The following SERPINA6 variants were observed in gnomAD, a reference collection of about 807,000 sequenced individuals.
SERPINA6 encodes the protein serpin family A member 6.
A neutral mutation model predicts 26.4 loss-of-function variants in SERPINA6; 19 were observed. That is an observed-to-expected ratio of 0.72 (90% CI 0.50 to 1.06). SERPINA6 has a LOEUF of 1.06. Among genes scored for constraint, SERPINA6 ranks in the 50% least tolerant of loss-of-function variants. The pLI is 0.00. For missense variants in SERPINA6, 473 were observed against 504.0 expected (o/e 0.94, Z 0.59); for synonymous variants, 196 against 199.4 (o/e 0.98, Z 0.14).
chr14:94,314,272 G>A lies in SERPINA6; in HGVS notation c.377C>T (p.Thr126Ile). 1 of 1,614,186 alleles carries A rather than the reference G, an allele frequency of 6.2e-7. No individual in the cohort carries two copies. Among genetic ancestry groups the A allele is most frequent in the Non-Finnish European group, 8.5e-7 (1 of 1,180,040 alleles). The change falls in exon 2 of 5, where the codon ACC becomes ATC. Residue 126 changes from threonine (T) to isoleucine (I), a missense_variant. Physicochemically the swap from Thr to Ile is moderately conservative, Grantham distance 89. Coordinates refer to ENST00000341584, the MANE Select transcript of SERPINA6 (RefSeq NM_001756.4). ...ATCAAGAAACAAGGCATTGCCCATG[G>A]TCATTTCTAAGCTGGTGTCTGACTT... ...FAKSDTSLEMTMGNALFLDGS... is the reference protein window; with the variant it reads ...FAKSDTSLEMIMGNALFLDGS...
intron 1 of SERPINA6, among the ~76,000 whole-genome samples, chr14:94,320,224 T>A (rs1284645997): frequency 6.6e-6 from 1 of 152,164 alleles, no homozygotes; most frequent in East Asian, 1.9e-4. Context: ...AAACCAGTGC[T>A]CCAGGAGGTT....
chr14:94,318,720 TG>T (rs1201061211), intron 1 of SERPINA6, among the ~76,000 whole-genome samples: 3 of 151,922 alleles, frequency 2.0e-5, no homozygotes, highest in Non-Finnish European at 2.9e-5. Context: ...GAAAAAAACA[TG>T]GGGGAAAAAC....
At chr14:94,317,880 T>C (rs753955305) in intron 1 of SERPINA6, among the ~76,000 whole-genome samples, 39 of 152,168 alleles carry the variant, frequency 2.6e-4, no homozygotes, top group Non-Finnish European at 4.3e-4. Context: ...AGAAAAGGTA[T>C]CCATATTTGA....
At chr14:94,318,086 C>A (rs1018264527) in intron 1 of SERPINA6, among the ~76,000 whole-genome samples, 1 of 151,880 alleles carries the variant, frequency 6.6e-6, no homozygotes, top group African/African-American at 2.4e-5. Context: ...ATTCCATTTA[C>A]AATAGTATGA....
intron 1 of SERPINA6, among the ~76,000 whole-genome samples, chr14:94,320,128 C>T (rs1349660704): frequency 6.6e-6 from 1 of 152,128 alleles, no homozygotes; most frequent in African/African-American, 2.4e-5. Flanking sequence ...ACAATAAATA[C>T]AGGATGCTTA....
intron 1 of SERPINA6, among the ~76,000 whole-genome samples, chr14:94,318,687 G>A (rs112301686): frequency 2.0e-5 from 3 of 152,070 alleles, no homozygotes; most frequent in African/African-American, 7.2e-5. Flanking sequence ...ACCTAAAGAT[G>A]AGTTAAAATT....
At position 94,306,208 on chromosome 14, in the gene SERPINA6, G is replaced by A. The variant is rs751466880; in HGVS notation, c.895C>T (p.Leu299=). ...GAGATGGTGACCTTTGGAATGTACA[G>A]GTCCACCTGGCTGCTCGGGGTAAGC... ...SAGLTSSQVD[L]YIPKVTISGV... Residue 299 remains leucine (L), a synonymous_variant, in exon 4 of 5, where the codon CTG becomes TTG. Coordinates refer to ENST00000341584, the MANE Select transcript of SERPINA6 (RefSeq NM_001756.4). The A allele has an allele frequency of 2.5e-6, 4 of 1,614,162 alleles. No homozygotes were observed. The Admixed American group carries it at 6.7e-5, about 27-fold the overall frequency.
intron 1 of SERPINA6, among the ~76,000 whole-genome samples, chr14:94,321,602 G>C (rs2139729281): frequency 6.6e-6 from 1 of 152,282 alleles, no homozygotes. Context: ...TGTTTGCTGA[G>C]CCCAGCTCTG....
chr14:94,304,423 C>T lies in SERPINA6; in HGVS notation c.1213G>A (p.Val405Met), dbSNP rs774695483. 6.2e-6 allele frequency: 10 copies of T among 1,614,134 alleles called. No homozygotes were observed. In the South Asian group the frequency reaches 6.6e-5, roughly 11 times the overall value. Residue 405 changes from valine to methionine, a missense_variant, in exon 5 of 5, where the codon GTG becomes ATG. Transcript: ENST00000341584. ...SLFLARVMNPV is the reference protein window; with the variant it reads ...SLFLARVMNPM ...GGCTCTGGGTGGGTGGTCTCTTACA[C>T]TGGGTTCATAACCCTCGCCAGGAAA... is the stretch of plus-strand genomic sequence containing the variant.
Position 94,309,755 on chromosome 14 carries a change from A to G in SERPINA6, c.865T>C (p.Ser289Pro), listed in dbSNP as rs200126085. Reference protein sequence around the residue: ...ALSRDTINRWSAGLTSSQVDL... With the variant: ...ALSRDTINRWPAGLTSSQVDL... ...ACTTACCTGCTGGTCAGGCCTGCGG[A>G]CCACCTGTTAATCGTGTCCCGGCTC... The change falls in exon 3 of 5, where the codon TCC (serine) becomes CCC (proline). Residue 289 changes from serine (S) to proline (P), a missense_variant. Ser to Pro is a moderately conservative substitution (Grantham distance 74, BLOSUM62 -1). Coordinates refer to ENST00000341584, the MANE Select transcript of SERPINA6 (RefSeq NM_001756.4). 6.2e-7 allele frequency: 1 copy of G among 1,614,068 alleles called. No homozygotes were observed. The highest frequency in any genetic ancestry group is 8.5e-7 in the Non-Finnish European group (1 of 1,180,026).
In SERPINA6 at chr14:94,304,384, T is replaced by G; in HGVS notation, c.*34A>C. The G allele has an allele frequency of 3.1e-6, 5 of 1,606,488 alleles. No individual in the cohort carries two copies. Among genetic ancestry groups the G allele is most frequent in the Non-Finnish European group, 4.3e-6 (5 of 1,173,120 alleles). On this transcript the variant is annotated 3_prime_UTR_variant, in exon 5 of 5. Coordinates refer to ENST00000341584, the MANE Select transcript of SERPINA6 (RefSeq NM_001756.4). The stretch of plus-strand genomic sequence containing the variant: ...TCTGTGGGATCCCTGGTTCCCAAAG[T>G]CAGACAGTGCTGAGGCTCTGGGTGG...
chr14:94,311,565 A>C (rs1283063329), intron 2 of SERPINA6, among the ~76,000 whole-genome samples: 1 of 152,154 alleles, frequency 6.6e-6, no homozygotes, highest in East Asian at 1.9e-4. Flanking sequence ...GATCTGAGAG[A>C]GCAAGGATGG....
At chr14:94,322,939 CT>C (rs1267454199) in intron 1 of SERPINA6, among the ~76,000 whole-genome samples, 1 of 136,606 alleles carries the variant, frequency 7.3e-6, no homozygotes, top group East Asian at 2.3e-4. Context: ...GACTCTGTGG[CT>C]GTTGTGGCTG....
intron 3 of SERPINA6, among the ~76,000 whole-genome samples, chr14:94,306,905 C>T (rs3790035): frequency 0.3 from 46,067 of 152,052 alleles, 8,180 homozygotes; most frequent in East Asian, 0.89. Flanking sequence ...TGCCTTCTCC[C>T]CAGAGGGAGA....
chr14:94,319,292 ATT>A (rs76983957), intron 1 of SERPINA6, among the ~76,000 whole-genome samples: 2 of 151,978 alleles, frequency 1.3e-5, no homozygotes, highest in East Asian at 3.9e-4. Context: ...CTTTAAAAAA[ATT>A]TTTTTTTTAA....
Position 94,304,287 on chromosome 14 carries a change from T to A in SERPINA6, c.*131A>T. Reference sequence around the variant, plus strand: ...ACATTTATTAAAAGATGCCTAAAGTTAGACACAACTCTGGTTGGAGGGAGA... The same window carrying A: ...ACATTTATTAAAAGATGCCTAAAGTAAGACACAACTCTGGTTGGAGGGAGA... On this transcript the variant is annotated 3_prime_UTR_variant, in exon 5 of 5. Transcript: ENST00000341584. 1.1e-6 allele frequency: 1 copy of A among 919,508 alleles called. No homozygotes were observed. Among genetic ancestry groups the A allele is most frequent in the Non-Finnish European group, 1.8e-6 (1 of 555,542 alleles). 57.0% of individuals were successfully genotyped at this position (919,508 alleles called of 1,614,324 possible). A position where few individuals can be genotyped will look rare whatever the true frequency, so the allele number is the denominator to read the frequency against.
chr14:94,314,415 G>A lies in SERPINA6; in HGVS notation c.234C>T (p.Ser78=), dbSNP rs754243800. ...CCCGTGTGTGGCCACAGGTGCCCAG[G>A]GACAGCATAGCTAAGGCCATGGAGA... ...VSISMALAML[S]LGTCGHTRAQ... is the part of the protein sequence containing the mutation. Residue 78 remains serine, a synonymous_variant, in exon 2 of 5, where the codon TCC becomes TCT. Transcript: ENST00000341584. The A allele has an allele frequency of 1.9e-6, 3 of 1,614,160 alleles. No homozygotes were observed. Among genetic ancestry groups the A allele is most frequent in the Middle Eastern group, 1.6e-4 (1 of 6,062 alleles).
intron 1 of SERPINA6, among the ~76,000 whole-genome samples, chr14:94,316,974 T>G (rs1239813417): frequency 6.6e-6 from 1 of 152,206 alleles, no homozygotes; most frequent in African/African-American, 2.4e-5. Context: ...CAGACTGAAT[T>G]ACATGGCTGG....
intron 3 of SERPINA6, among the ~76,000 whole-genome samples, chr14:94,308,429 G>A (rs1024510126): frequency 6.6e-6 from 1 of 152,206 alleles, no homozygotes; most frequent in Non-Finnish European, 1.5e-5. Context: ...TTGAATGAAT[G>A]AGCGAATGAA....
Sources: gnomAD v4.1 joint callset for allele counts (sites outside exome capture counted in the v4.1 genomes callset) on GRCh38, gnomAD v4.1.1 for gene constraint, MANE v1.5 for transcripts, NCBI Gene and HGNC (gene_info 2026-07-23, HGNC 2026-07-21) for gene names.